SNX30: variants seen among roughly 807,000 people sequenced by gnomAD.
The protein encoded by SNX30 is sorting nexin family member 30.
Under a neutral mutation model 46.4 loss-of-function variants are expected in SNX30, and 24 were observed. The ratio of observed to expected loss-of-function variants is 0.52; its 90% CI spans 0.37 to 0.73. The LOEUF (loss-of-function observed/expected upper bound fraction) is 0.73. SNX30 is among the 30% of genes least tolerant of loss of function. SNX30 has a pLI of 0.00. For synonymous variants in SNX30, 189 were observed against 211.5 expected (o/e 0.89, Z 0.92); for missense variants, 533 against 555.7 (o/e 0.96, Z 0.41).
Position 112,813,716 on chromosome 9 carries a change from C to T in SNX30, c.349-3989C>T, listed in dbSNP as rs560392001. Among the ~76,000 whole-genome samples, 40 of 151,704 alleles carry T rather than the reference C, an allele frequency of 2.6e-4. No individual in the cohort carries two copies. In the Middle Eastern group the frequency reaches 0.017, roughly 65 times the overall value. ...CTTGAACTCCTGACTTCAAGTGATC[C>T]GCCTGCCTCGGCCTCCCGAAGTGTT... On this transcript the variant is annotated intron_variant, in intron 2 of 8. Transcript: ENST00000374232.
At chr9:112,778,457 A>C (rs1365884160) in intron 1 of SNX30, among the ~76,000 whole-genome samples, 3 of 151,986 alleles carry the variant, frequency 2.0e-5, no homozygotes, top group Non-Finnish European at 4.4e-5. Context: ...TTTTTAGTAG[A>C]GAGGGGGTTT....
chr9:112,830,187 A>G (rs958579867), intron 3 of SNX30, among the ~76,000 whole-genome samples: 8 of 152,196 alleles, frequency 5.3e-5, no homozygotes, highest in Non-Finnish European at 8.8e-5. Flanking sequence ...TACGTTTTAA[A>G]TAACTTTTGA....
At chr9:112,772,785 T>C (rs1389082778) in intron 1 of SNX30, among the ~76,000 whole-genome samples, 2 of 152,242 alleles carry the variant, frequency 1.3e-5, no homozygotes, top group Non-Finnish European at 2.9e-5. Flanking sequence ...TAAACGAATA[T>C]GTCTTCAAGT....
intron 6 of SNX30, among the ~76,000 whole-genome samples, chr9:112,847,588 A>G (rs1482973527): frequency 3.3e-5 from 5 of 151,900 alleles, no homozygotes; most frequent in African/African-American, 1.2e-4. Flanking sequence ...ATTGATTGGT[A>G]TGTTTCTTAA....
intron 1 of SNX30, among the ~76,000 whole-genome samples, chr9:112,777,243 A>T (rs143997326): frequency 1.3e-5 from 2 of 151,804 alleles, no homozygotes; most frequent in African/African-American, 4.8e-5. Flanking sequence ...TTTTATTTTT[A>T]TATTCCTTTT....
downstream of SNX30, among the ~76,000 whole-genome samples, chr9:112,882,067 C>T (rs1464946955): frequency 1.3e-5 from 2 of 152,056 alleles, no homozygotes; most frequent in Non-Finnish European, 2.9e-5. Flanking sequence ...TTATGCAGGG[C>T]TTTGTTGCCC....
intron 1 of SNX30, among the ~76,000 whole-genome samples, chr9:112,781,950 G>A (rs1269756886): frequency 6.6e-6 from 1 of 152,012 alleles, no homozygotes; most frequent in Non-Finnish European, 1.5e-5. Context: ...CCCACCATTA[G>A]TTTTAAAAGT....
downstream of SNX30, chr9:112,878,791 G>C (rs539336282): frequency 3.3e-5 from 5 of 152,324 alleles, no homozygotes; most frequent in African/African-American, 1.2e-4. Context: ...AAGAGGATTA[G>C]AGATACAAAC....
chr9:112,850,316 T>G (rs530287617), intron 6 of SNX30, among the ~76,000 whole-genome samples: 1 of 152,204 alleles, frequency 6.6e-6, no homozygotes, highest in Non-Finnish European at 1.5e-5. Flanking sequence ...ACCTCTCAGG[T>G]AGGGAGTGCA....
intron 1 of SNX30, among the ~76,000 whole-genome samples, chr9:112,769,435 C>T (rs1327986945): frequency 6.6e-6 from 1 of 152,182 alleles, no homozygotes; most frequent in African/African-American, 2.4e-5. Context: ...CCAGGAGTCT[C>T]CACTACTGTG....
At chr9:112,778,607 C>T (rs2131373003) in intron 1 of SNX30, among the ~76,000 whole-genome samples, 1 of 152,324 alleles carries the variant, frequency 6.6e-6, no homozygotes, top group South Asian at 2.1e-4. Flanking sequence ...GTCAGAGGGT[C>T]TACCCAGATT....
At chr9:112,760,941 C>G (rs1156681790) in intron 1 of SNX30, among the ~76,000 whole-genome samples, 1 of 152,042 alleles carries the variant, frequency 6.6e-6, no homozygotes, top group African/African-American at 2.4e-5. Context: ...GGAAAAGCCC[C>G]AAGGTGAAGG....
chr9:112,774,816 T>C (rs1839712615), intron 1 of SNX30, among the ~76,000 whole-genome samples: 1 of 151,764 alleles, frequency 6.6e-6, no homozygotes, highest in Non-Finnish European at 1.5e-5. Flanking sequence ...CAGTTCTATA[T>C]ATATATATGT....
intron 7 of SNX30, among the ~76,000 whole-genome samples, chr9:112,858,499 A>G (rs1321931558): frequency 6.6e-6 from 1 of 152,224 alleles, no homozygotes; most frequent in Non-Finnish European, 1.5e-5. Context: ...TGGGAAACAG[A>G]GCAAGACCTG....
intron 5 of SNX30, chr9:112,881,358 C>G (rs1841575198): frequency 6.6e-6 from 1 of 152,244 alleles, no homozygotes; most frequent in Admixed American, 6.5e-5. Context: ...CTTAGATTTC[C>G]CGCCTTCTAT....
chr9:112,848,948 G>T (rs1840982258), intron 6 of SNX30, among the ~76,000 whole-genome samples: 1 of 152,234 alleles, frequency 6.6e-6, no homozygotes, highest in Middle Eastern at 3.2e-3. Context: ...TGCTGGCATT[G>T]TTCCAGGGCA....
chr9:112,810,104 A>G (rs889920173), intron 2 of SNX30, among the ~76,000 whole-genome samples: 1 of 152,104 alleles, frequency 6.6e-6, no homozygotes, highest in Non-Finnish European at 1.5e-5. Flanking sequence ...TTCTTTGCTT[A>G]TATCTGGAGT....
chr9:112,816,673 G>A (rs1217818748), intron 2 of SNX30, among the ~76,000 whole-genome samples: 1 of 152,190 alleles, frequency 6.6e-6, no homozygotes, highest in East Asian at 1.9e-4. Flanking sequence ...TTTCTTTGAT[G>A]AATGACTCTC....
intron 3 of SNX30, among the ~76,000 whole-genome samples, chr9:112,826,109 G>T (rs930992468): frequency 1.3e-5 from 2 of 152,132 alleles, no homozygotes; most frequent in African/African-American, 4.8e-5. Context: ...ACTTACTTGC[G>T]CCTCAGGCCA....
Sources: allele counts gnomAD v4.1 joint callset (sites outside exome capture counted in the v4.1 genomes callset), GRCh38; gene constraint gnomAD v4.1.1; transcripts MANE v1.5; gene names NCBI Gene and HGNC (gene_info 2026-07-23, HGNC 2026-07-21).